Variants in INTS11 observed in about 807,000 individuals in gnomAD.
INTS11 encodes CPSF3-like protein.
Under a neutral mutation model 78.6 loss-of-function variants are expected in INTS11, and 77 were observed. The observed-to-expected ratio is 0.98, with a 90% confidence interval of 0.81 to 1.18. The LOEUF is 1.18. Among genes scored for constraint, INTS11 ranks in the 50% most tolerant of loss-of-function variants. The pLI is 0.00. For missense variants in INTS11, 875 were observed against 825.9 expected, an observed-to-expected ratio of 1.06 and a Z score of -0.73; for synonymous variants, 441 against 326.9, an observed-to-expected ratio of 1.35 and a Z score of -3.77.
At position 1,313,798 on chromosome 1, in the gene INTS11, C is replaced by T. The variant is rs769325143; in HGVS notation, c.891G>A (p.Arg297=). Residue 297 remains arginine, a synonymous_variant, in exon 9 of 17, where the codon AGG becomes AGA. Transcript: ENST00000435064. The part of the protein sequence containing the change: ...NQKIRKTFVQ[R]NMFEFKHIKA... ...TGATGTGCTTGAACTCAAACATGTT[C>T]CTCTGCACGAAAGTCTTGCGGATCT... The T allele has an allele frequency of 5.0e-6, 8 of 1,613,394 alleles. No individual in the cohort carries two copies. In the Admixed American group the frequency reaches 8.3e-5, roughly 17 times the overall value.
At chr1:1,323,383 T>C in intron 1 of INTS11, 1 of 1,372,928 alleles carries the variant, frequency 7.3e-7, no homozygotes. Context: ...ATTTTTTCCT[T>C]CTTCACATCG....
rs772441102 is a variant in INTS11 at position 1,320,525 on chromosome 1, C to T, written c.131G>A (p.Arg44His). The T allele has an allele frequency of 4.3e-6, 7 of 1,613,720 alleles. No homozygotes were observed. The South Asian group carries it at 5.5e-5, about 13-fold the overall frequency. The change falls in exon 3 of 17, where the codon CGC (arginine) becomes CAC (histidine). Residue 44 changes from arginine (R) to histidine (H), a missense_variant. Transcript: ENST00000435064. ...GGTGATGTAGGAGAAGTCAGGGAAG[C>T]GTCGCTAGGAAGGATGTGGGGGTTT... ...GMHMGFNDDR[R>H]FPDFSYITQN...
chr1:1,321,997 G>A, intron 1 of INTS11: 2 of 1,350,138 alleles, frequency 1.5e-6, no homozygotes, highest in South Asian at 1.9e-5. Flanking sequence ...GCCACAGAGA[G>A]GGGATCTCAG....
rs774503615 is a variant in INTS11 at position 1,324,600 on chromosome 1, C to G, written c.9G>C (p.Glu3Asp). The change falls in exon 1 of 17, where the codon GAG (glutamate) becomes GAC (aspartate). Residue 3 changes from glutamate (E) to aspartate (D), a missense_variant. Transcript: ENST00000435064. MP[E>D]IRVTPLGAGQ... Reference sequence around the variant, plus strand: ...ACTCACCCAAGGGCGTGACTCTGATCTCAGGCATCGTCTCCGCCGCGCTCC... The same window carrying G: ...ACTCACCCAAGGGCGTGACTCTGATGTCAGGCATCGTCTCCGCCGCGCTCC... 21 of 1,598,730 alleles carry G rather than the reference C, an allele frequency of 1.3e-5. No homozygotes were observed. Among genetic ancestry groups the G allele is most frequent in the Non-Finnish European group, 1.8e-5 (21 of 1,174,516 alleles).
At chr1:1,317,278 C>T (rs9659696) in intron 4 of INTS11, 3,891 of 154,774 alleles carry the variant, frequency 0.025, 169 homozygotes, top group African/African-American at 0.086. Context: ...CCTGTAATCC[C>T]AGCTACTCGG....
In INTS11 at chr1:1,314,282, C is replaced by A; in HGVS notation, c.767+19G>T. 6.3e-7 allele frequency: 1 copy of A among 1,579,534 alleles called. No homozygotes were observed. On this transcript the variant is annotated intron_variant, in intron 8 of 16. Transcript: ENST00000435064. This position sits in a 1 kb window ranked among gnomAD's most constrained non-coding sequence, Gnocchi z 4.2. Reference sequence around the variant, plus strand: ...GCCGGGCCAGGGGCTCCTTAAAGAGCCGTCCTGGCGGCACCTACCAGAAGG... The same window carrying A: ...GCCGGGCCAGGGGCTCCTTAAAGAGACGTCCTGGCGGCACCTACCAGAAGG...
chr1:1,324,453 G>A (rs1249979450), intron 1 of INTS11, 128 bp downstream of exon 1: 4 of 933,586 alleles, frequency 4.3e-6, no homozygotes, highest in African/African-American at 3.5e-5. Context: ...GCCCGCGCGG[G>A]GAGGAGACCG....
In INTS11 at chr1:1,315,684, G is replaced by A. The variant is rs554526568; in HGVS notation, c.430-66C>T. 222 of 865,488 alleles carry A rather than the reference G, an allele frequency of 2.6e-4. 1 individual carries two copies. Among genetic ancestry groups the A allele is most frequent in the African/African-American group, 2.5e-3 (134 of 54,568 alleles). The allele number at this position is 865,488 out of a possible 1,614,324, so 53.6% of individuals were successfully genotyped here. ...CAGAGGGGCGGGGAGTGAGGGAGGC[G>A]GGGGACGGGAAGCGCGGGAGGCGGG... On this transcript the variant is annotated intron_variant, in intron 4 of 16. Transcript: ENST00000435064.
Position 1,314,675 on chromosome 1 carries a change from C to T in INTS11, c.702+149G>A. Reference sequence around the variant, plus strand: ...GAAAGGGTCTCTGAGTTTTCCTCCTCAATGTTGAGCAAATCTTCTTCCCTC... The same window carrying T: ...GAAAGGGTCTCTGAGTTTTCCTCCTTAATGTTGAGCAAATCTTCTTCCCTC... On this transcript the variant is annotated intron_variant, in intron 7 of 16. Transcript: ENST00000435064. This position sits in a 1 kb window ranked among gnomAD's most constrained non-coding sequence, Gnocchi z 4.2. 9.8e-7 allele frequency: 1 copy of T among 1,021,504 alleles called. No homozygotes were observed. Among genetic ancestry groups the T allele is most frequent in the South Asian group, 1.6e-5 (1 of 62,368 alleles). 63.3% of individuals were successfully genotyped at this position (1,021,504 alleles called of 1,614,324 possible).
intron 4 of INTS11, chr1:1,318,904 G>A: frequency 1.4e-6 from 1 of 711,284 alleles, no homozygotes; most frequent in Admixed American, 2.0e-5. Context: ...GCACCCTCCA[G>A]AGCTGGCCCA....
At position 1,312,964 on chromosome 1, in the gene INTS11, G is replaced by T; in HGVS notation, c.1132-15C>A. 6.2e-7 allele frequency: 1 copy of T among 1,611,722 alleles called. No individual in the cohort carries two copies. Among genetic ancestry groups the T allele is most frequent in the Non-Finnish European group, 8.5e-7 (1 of 1,179,224 alleles). ...TTGACCTCCAGCTACAGAGGCCACG[G>T]GGCGTGGACAGTGGTTACCACCAGG... is the stretch of plus-strand genomic sequence containing the variant. On this transcript the variant is annotated splice_polypyrimidine_tract_variant and intron_variant, in intron 11 of 16. Transcript: ENST00000435064.
rs780632385 is a variant in INTS11 at position 1,320,495 on chromosome 1, T to C, written c.161A>G (p.Asn54Ser). Reference protein sequence around the residue: ...RFPDFSYITQNGRLTDFLDCV... With the variant: ...RFPDFSYITQSGRLTDFLDCV... ...GTCCAGGAAGTCTGTTAGGCGGCCGTTCTGGGTGATGTAGGAGAAGTCAGG... is the reference window on the plus strand; with the variant it reads ...GTCCAGGAAGTCTGTTAGGCGGCCGCTCTGGGTGATGTAGGAGAAGTCAGG... The change falls in exon 3 of 17, where the codon AAC becomes AGC. Residue 54 changes from asparagine (N) to serine (S), a missense_variant. Asn to Ser is a conservative substitution (Grantham distance 46). Coordinates refer to ENST00000435064, the MANE Select transcript of INTS11 (RefSeq NM_017871.6). 6.2e-7 allele frequency: 1 copy of C among 1,613,812 alleles called. No individual in the cohort carries two copies. Among genetic ancestry groups the C allele is most frequent in the Non-Finnish European group, 8.5e-7 (1 of 1,179,916 alleles).
chr1:1,312,740 C>T (rs1214370651), intron 12 of INTS11, 40 bp from the exon 13 acceptor site: 1 of 1,591,866 alleles, frequency 6.3e-7, no homozygotes, highest in African/African-American at 1.3e-5. Context: ...CCCAGGCTGC[C>T]CGTGCTGACC....
intron 6 of INTS11, 49 bp from the exon 7 acceptor site, chr1:1,315,011 T>C (rs1435055027): frequency 6.3e-7 from 1 of 1,593,990 alleles, no homozygotes; most frequent in South Asian, 1.1e-5. Flanking sequence ...GTCCCCACGG[T>C]TGCAGGGCTG....
intron 2 of INTS11, 130 bp downstream of exon 2, chr1:1,320,866 C>T: frequency 1.1e-6 from 1 of 900,040 alleles, no homozygotes; most frequent in Non-Finnish European, 1.8e-6. Flanking sequence ...ATCCCTGCTC[C>T]CCACAGGGTG....
At chr1:1,315,690 CGGGAAGCGCGGGAGGCGGGGGT>C in intron 4 of INTS11, 72 bp from the exon 5 acceptor site, 1 of 171,920 alleles carries the variant, frequency 5.8e-6, no homozygotes, top group Non-Finnish European at 1.2e-5. Flanking sequence ...AGGCGGGGGA[CGGGAAGCGCGGGAGGCGGGGGT>C]GGGGAGCGTG....
At chr1:1,322,902 G>A (rs1410178870) in intron 1 of INTS11, 15 of 1,272,512 alleles carry the variant, frequency 1.2e-5, no homozygotes, top group African/African-American at 1.5e-5. Flanking sequence ...CTTGGCTGAG[G>A]TGACCTTGAG....
rs1642539933 is a variant in INTS11 at position 1,315,683 on chromosome 1, CG to C, written c.430-66del. 6 of 298,450 alleles carry C rather than the reference CG, an allele frequency of 2.0e-5. 1 individual carries two copies. Among genetic ancestry groups the C allele is most frequent in the South Asian group, 6.5e-5 (2 of 30,942 alleles). 18.5% of individuals were successfully genotyped at this position (298,450 alleles called of 1,614,324 possible). The stretch of plus-strand genomic sequence containing the variant: ...GCAGAGGGGCGGGGAGTGAGGGAGG[CG>C]GGGGACGGGAAGCGCGGGAGGCGGG... On this transcript the variant is annotated intron_variant, in intron 4 of 16. Transcript: ENST00000435064.
At chr1:1,318,077 A>G (rs1308946867) in intron 4 of INTS11, among the ~76,000 whole-genome samples, 3 of 152,026 alleles carry the variant, frequency 2.0e-5, no homozygotes, top group African/African-American at 7.2e-5. Flanking sequence ...TCACCGTGTT[A>G]GCCAGGATGG....
Sources: allele counts gnomAD v4.1 joint callset (sites outside exome capture counted in the v4.1 genomes callset), GRCh38; gene constraint gnomAD v4.1.1; non-coding constraint Gnocchi (gnomAD v3.1); transcripts MANE v1.5; gene names NCBI Gene and HGNC (gene_info 2026-07-23, HGNC 2026-07-21).